The following ACBD3 variants were observed in gnomAD, a reference collection of about 807,000 sequenced individuals.
ACBD3 encodes the protein acyl-CoA binding domain containing 3.
Under a neutral mutation model 66.9 loss-of-function variants are expected in ACBD3, and 30 were observed. The ratio of observed to expected loss-of-function variants is 0.45; its 90% CI spans 0.34 to 0.61. ACBD3 has a LOEUF of 0.61. Ranked by LOEUF, ACBD3 falls within the 20% of genes least tolerant of loss-of-function variation. The probability of loss-of-function intolerance (pLI) is 0.02; values close to 1 mark genes in which losing one functional copy is unlikely to be tolerated. For synonymous variants in ACBD3, 278 were observed against 259.8 expected (o/e 1.07, Z -0.68); for missense variants, 544 against 664.5 (o/e 0.82, Z 1.99).
intron 1 of ACBD3, among the ~76,000 whole-genome samples, chr1:226,167,669 G>T (rs1199781424): frequency 1.3e-5 from 2 of 152,096 alleles, no homozygotes; most frequent in Non-Finnish European, 1.5e-5. Flanking sequence ...AAGAAAACGG[G>T]GAGGGCACTT....
intron 1 of ACBD3, among the ~76,000 whole-genome samples, chr1:226,170,306 C>T (rs1314785366): frequency 6.0e-5 from 9 of 149,148 alleles, no homozygotes; most frequent in Non-Finnish European, 1.3e-4. Flanking sequence ...TGCAGGCGCC[C>T]GCCACCACGC....
intron 1 of ACBD3, among the ~76,000 whole-genome samples, chr1:226,168,727 A>G (rs968500468): frequency 2.6e-5 from 4 of 152,250 alleles, no homozygotes; most frequent in Non-Finnish European, 5.9e-5. Context: ...GTATAAAAGT[A>G]TATATAGCAC....
intron 5 of ACBD3, among the ~76,000 whole-genome samples, chr1:226,155,341 C>T (rs938899150): frequency 2.7e-5 from 4 of 149,466 alleles, no homozygotes; most frequent in Non-Finnish European, 4.4e-5. Context: ...CGCTTGAACT[C>T]GGGAGGCGGA....
chr1:226,177,161 G>C (rs1281211755), intron 1 of ACBD3, among the ~76,000 whole-genome samples: 1 of 130,700 alleles, frequency 7.7e-6, no homozygotes, highest in Non-Finnish European at 1.6e-5. Context: ...TTCCCATGTA[G>C]CTGTTTTTTT....
intron 5 of ACBD3, among the ~76,000 whole-genome samples, chr1:226,158,489 G>C (rs1273327984): frequency 6.6e-6 from 1 of 152,178 alleles, no homozygotes; most frequent in African/African-American, 2.4e-5. Flanking sequence ...TAACAGGACA[G>C]GTGCTTTGAT....
intron 1 of ACBD3, among the ~76,000 whole-genome samples, chr1:226,179,954 C>G (rs1378921931): frequency 1.3e-5 from 2 of 152,006 alleles, no homozygotes; most frequent in Admixed American, 1.3e-4. Context: ...GGATGGATCA[C>G]AAGGTCAGGA....
rs529343341 is a variant in ACBD3 at position 226,156,996 on chromosome 1, C to A, written c.904-2163G>T. Among the ~76,000 whole-genome samples the A allele has an allele frequency of 9.2e-5, 14 of 152,284 alleles. No individual in the cohort carries two copies. The South Asian group carries it at 2.7e-3, about 29-fold the overall frequency. ...TAGATTGTAATGATATATTTCCATA[C>A]TCTCTTCCTGTTATTAGGAAGTTTA... is the stretch of plus-strand genomic sequence containing the variant. On this transcript the variant is annotated intron_variant, in intron 5 of 7. Transcript: ENST00000366812.
intron 7 of ACBD3, among the ~76,000 whole-genome samples, chr1:226,149,789 G>T (rs372849216): frequency 6.6e-6 from 1 of 151,308 alleles, no homozygotes; most frequent in Non-Finnish European, 1.5e-5. Context: ...CAATCCATCC[G>T]CTTTGGCCTC....
At chr1:226,151,419 C>T (rs1397610414) in intron 7 of ACBD3, among the ~76,000 whole-genome samples, 1 of 152,062 alleles carries the variant, frequency 6.6e-6, no homozygotes, top group East Asian at 1.9e-4. Flanking sequence ...ATAAAGAGAC[C>T]CTCTTCTCAA....
At chr1:226,171,298 C>T (rs1659988133) in intron 1 of ACBD3, among the ~76,000 whole-genome samples, 1 of 151,962 alleles carries the variant, frequency 6.6e-6, no homozygotes, top group African/African-American at 2.4e-5. Flanking sequence ...CAGGCATGCA[C>T]CACCACGCCT....
At chr1:226,164,966 T>G in intron 2 of ACBD3, 37 bp from the exon 3 acceptor site, 5 of 1,502,312 alleles carry the variant, frequency 3.3e-6, no homozygotes, top group Non-Finnish European at 4.4e-6. Context: ...CTCCCCTTCT[T>G]AGTAGAATGA....
chr1:226,174,721 G>C (rs1655990171), intron 1 of ACBD3, among the ~76,000 whole-genome samples: 2 of 152,022 alleles, frequency 1.3e-5, no homozygotes, highest in Non-Finnish European at 2.9e-5. Flanking sequence ...AGCCAAGATC[G>C]TGCCACTGTA....
At chr1:226,148,069 G>A (rs766579790) in intron 7 of ACBD3, 1 of 152,188 alleles carries the variant, frequency 6.6e-6, no homozygotes, top group Non-Finnish European at 1.5e-5. Context: ...TTAAAACAAG[G>A]TAAGTTTGAG....
chr1:226,170,599 T>C (rs538108334), intron 1 of ACBD3, among the ~76,000 whole-genome samples: 1 of 152,270 alleles, frequency 6.6e-6, no homozygotes, highest in Middle Eastern at 3.4e-3. Flanking sequence ...AACAGCAATT[T>C]CGAACATACA....
At chr1:226,176,062 T>C (rs941442665) in intron 1 of ACBD3, among the ~76,000 whole-genome samples, 2 of 152,054 alleles carry the variant, frequency 1.3e-5, no homozygotes, top group African/African-American at 2.4e-5. Flanking sequence ...TCCTTATAAA[T>C]GGAAGGGAAG....
intron 1 of ACBD3, among the ~76,000 whole-genome samples, chr1:226,186,150 C>T (rs1414796853): frequency 6.6e-6 from 1 of 152,220 alleles, no homozygotes; most frequent in South Asian, 2.1e-4. Context: ...TCCCGGTAAC[C>T]TCTGGGAGGC....
rs762722337 is a variant in ACBD3 at position 226,186,712 on chromosome 1, C to G, written c.-37G>C. 2 of 1,443,686 alleles carry G rather than the reference C, an allele frequency of 1.4e-6. No individual in the cohort carries two copies. Among genetic ancestry groups the G allele is most frequent in the South Asian group, 2.7e-5 (2 of 73,322 alleles). 89.4% of individuals were successfully genotyped at this position (1,443,686 alleles called of 1,614,324 possible). On this transcript the variant is annotated 5_prime_UTR_variant, in exon 1 of 8. Transcript: ENST00000366812. ...GCACCTCCTCAGCGGGGACAGACGG[C>G]AGCCACGTATCGACTTCCTGCTGAC...
rs1478090255 is a variant in ACBD3 at position 226,145,055 on chromosome 1, CAGAG to C, written c.*1551_*1554del. The stretch of plus-strand genomic sequence containing the variant: ...TATACCATATGTACATGAAAGCTGA[CAGAG>C]AGCCTGACAAATGTTCTGGATGTAA... On this transcript the variant is annotated 3_prime_UTR_variant, in exon 8 of 8. Coordinates refer to ENST00000366812, the MANE Select transcript of ACBD3 (RefSeq NM_022735.4). 1 of 152,262 alleles carries C rather than the reference CAGAG, an allele frequency of 6.6e-6. No homozygotes were observed. The highest frequency in any genetic ancestry group is 1.5e-5 in the Non-Finnish European group (1 of 67,984). 9.4% of individuals were successfully genotyped at this position (152,262 alleles called of 1,614,324 possible).
chr1:226,166,051 A>G (rs1659871035), intron 1 of ACBD3, 51 bp from the exon 2 acceptor site: 1 of 1,553,768 alleles, frequency 6.4e-7, no homozygotes, highest in Non-Finnish European at 8.7e-7. Flanking sequence ...CAAAATACAT[A>G]ATTTTCAGCA....
Sources: gnomAD v4.1 joint callset for allele counts (sites outside exome capture counted in the v4.1 genomes callset) on GRCh38, gnomAD v4.1.1 for gene constraint, MANE v1.5 for transcripts, NCBI Gene and HGNC (gene_info 2026-07-23, HGNC 2026-07-21) for gene names.